NREP: variants seen among roughly 807,000 people sequenced by gnomAD.
NREP encodes neuronal regeneration related protein, also known as neuronal regeneration-related protein.
A neutral mutation model predicts 8.6 loss-of-function variants in NREP; 5 were observed. That is an observed-to-expected ratio of 0.58 (90% CI 0.30 to 1.22). The LOEUF (loss-of-function observed/expected upper bound fraction) is 1.22. Ranked by LOEUF, NREP falls within the 50% of genes most tolerant of loss-of-function variation. The pLI, the probability that NREP is intolerant of heterozygous loss-of-function variation, is 0.07. For synonymous variants in NREP, 27 were observed against 28.0 expected (o/e 0.96, Z 0.11); for missense variants, 86 against 82.5 (o/e 1.04, Z -0.17).
At chr5:111,825,376 C>T (rs1167443395) in intron 2 of NREP, among the ~76,000 whole-genome samples, 1 of 152,168 alleles carries the variant, frequency 6.6e-6, no homozygotes, top group Non-Finnish European at 1.5e-5. Context: ...CAGCTGCAAA[C>T]TTCATTATCT....
chr5:111,756,998 G>A (rs1750755114), intron 1 of NREP, 138 bp downstream of exon 1: 1 of 156,042 alleles, frequency 6.4e-6, no homozygotes, highest in Non-Finnish European at 1.4e-5. Flanking sequence ...CAAGGTACAC[G>A]CTTCAGCTCT....
chr5:111,825,626 T>C (rs1752604818), intron 2 of NREP, among the ~76,000 whole-genome samples: 1 of 152,188 alleles, frequency 6.6e-6, no homozygotes, highest in African/African-American at 2.4e-5. Context: ...ATGTGGATAC[T>C]GCGTAGTCAG....
At chr5:111,884,045 T>G (rs1462408036) in intron 2 of NREP, among the ~76,000 whole-genome samples, 1 of 152,092 alleles carries the variant, frequency 6.6e-6, no homozygotes, top group Non-Finnish European at 1.5e-5. Context: ...GCTGGTTTTT[T>G]GAAAGGATCA....
intron 2 of NREP, among the ~76,000 whole-genome samples, chr5:111,911,030 G>T (rs10045343): frequency 0.13 from 19,839 of 151,890 alleles, 1,743 homozygotes; most frequent in African/African-American, 0.24. Context: ...TCTGACTAAT[G>T]CTCTAGGGAC....
At chr5:111,966,497 A>T (rs1417492590) in intron 2 of NREP, among the ~76,000 whole-genome samples, 1 of 152,174 alleles carries the variant, frequency 6.6e-6, no homozygotes, top group East Asian at 1.9e-4. Context: ...TATAGAGCTA[A>T]TAAGATCTCT....
chr5:111,759,950 C>T (rs556110296), upstream of NREP, among the ~76,000 whole-genome samples: 58 of 152,280 alleles, frequency 3.8e-4, no homozygotes, highest in African/African-American at 1.4e-3. Context: ...ACTTTCTAAC[C>T]TTATCATCTC....
intron 2 of NREP, among the ~76,000 whole-genome samples, chr5:111,787,664 GC>G (rs1313048244): frequency 6.6e-6 from 1 of 151,170 alleles, no homozygotes; most frequent in Non-Finnish European, 1.5e-5. Context: ...ATTTCCAAAT[GC>G]GTTTTTTTAT....
In NREP at chr5:111,919,984, C is replaced by CA. The variant is rs1554053131; in HGVS notation, c.135+55289_135+55290insT. Reference sequence around the variant, plus strand: ...TTAATAAAAAGAATACCCCCCCCCCCCACACACACAAAGAAGTCATATGCA... The same window carrying CA: ...TTAATAAAAAGAATACCCCCCCCCCCACACACACACAAAGAAGTCATATGCA... On this transcript the variant is annotated intron_variant, in intron 2 of 3. Coordinates refer to the NREP transcript ENST00000395634. 2.9e-3 allele frequency among the ~76,000 whole-genome samples: 375 copies of CA among 127,422 alleles called. 1 individual carries two copies. The highest frequency in any genetic ancestry group is 6.9e-3 in the East Asian group (29 of 4,194). The allele number at this position is 127,422 out of a possible 152,430, so 83.6% of individuals were successfully genotyped here.
chr5:111,806,279 G>T (rs7720261), intron 2 of NREP, among the ~76,000 whole-genome samples: 117,996 of 151,936 alleles, frequency 0.78, 45,972 homozygotes, highest in East Asian at 0.95. Context: ...AATGGGTACT[G>T]CTACCTCTGA....
At chr5:111,807,301 C>G (rs1752165022) in intron 2 of NREP, among the ~76,000 whole-genome samples, 1 of 152,048 alleles carries the variant, frequency 6.6e-6, no homozygotes, top group Non-Finnish European at 1.5e-5. Flanking sequence ...CTAACTTTAT[C>G]AAGTCCCATC....
chr5:111,972,725 C>T lies in NREP; in HGVS notation c.135+2549G>A, dbSNP rs568242. On this transcript the variant is annotated intron_variant, in intron 2 of 3. Coordinates refer to the NREP transcript ENST00000395634. ...GCTGTCATCACCACCAATCTAGACC[C>T]GAGTCTTGACCCCCAGCTGCACCTC... Among the ~76,000 whole-genome samples the T allele has an allele frequency of 3.8e-3, 574 of 152,196 alleles. 3 individuals are homozygous for T. The highest frequency in any genetic ancestry group is 9.8e-3 in the African/African-American group (407 of 41,520).
intron 2 of NREP, among the ~76,000 whole-genome samples, chr5:111,819,464 T>C (rs542239635): frequency 6.6e-6 from 1 of 152,336 alleles, no homozygotes; most frequent in East Asian, 1.9e-4. Flanking sequence ...CGTACCCTTC[T>C]ATAGAAGTAA....
At chr5:111,939,841 T>C (rs910121461) in intron 2 of NREP, among the ~76,000 whole-genome samples, 4 of 152,090 alleles carry the variant, frequency 2.6e-5, no homozygotes, top group African/African-American at 9.7e-5. Flanking sequence ...CTGTTGGCCA[T>C]GAGTCCAAAG....
chr5:111,770,793 T>C (rs2112872706), intron 2 of NREP, among the ~76,000 whole-genome samples: 1 of 152,110 alleles, frequency 6.6e-6, no homozygotes. Context: ...TGGTCTCTAA[T>C]TTCTGGGCTC....
intron 1 of NREP, among the ~76,000 whole-genome samples, chr5:111,756,407 G>C (rs928712988): frequency 6.6e-6 from 1 of 151,532 alleles, no homozygotes; most frequent in Admixed American, 6.6e-5. Context: ...TACTGCTGCA[G>C]TGATTTACCC....
intron 2 of NREP, among the ~76,000 whole-genome samples, chr5:111,836,441 G>C (rs1388290930): frequency 2.0e-5 from 3 of 152,042 alleles, no homozygotes. Flanking sequence ...AGTCAGGGAA[G>C]AGCAAGTCTC....
intron 2 of NREP, among the ~76,000 whole-genome samples, chr5:111,883,711 T>A (rs1754150829): frequency 6.6e-6 from 1 of 151,986 alleles, no homozygotes; most frequent in Admixed American, 6.6e-5. Context: ...AACAACCTGC[T>A]CCTGAATGAC....
chr5:111,905,817 T>A (rs1179538991), intron 2 of NREP, among the ~76,000 whole-genome samples: 1 of 152,130 alleles, frequency 6.6e-6, no homozygotes, highest in Admixed American at 6.6e-5. Context: ...TAATACAAAT[T>A]GATTGGTTTA....
chr5:111,866,838 C>A (rs1014917977), intron 2 of NREP, among the ~76,000 whole-genome samples: 3 of 152,026 alleles, frequency 2.0e-5, no homozygotes, highest in Non-Finnish European at 4.4e-5. Flanking sequence ...AGTTCATGTC[C>A]TTTGTAGGGA....
Sources: gnomAD v4.1 joint callset for allele counts (sites outside exome capture counted in the v4.1 genomes callset) on GRCh38, gnomAD v4.1.1 for gene constraint, MANE v1.5 for transcripts, NCBI Gene and HGNC (gene_info 2026-07-23, HGNC 2026-07-21) for gene names.